The following ANAPC5 variants were observed in gnomAD, a reference collection of about 807,000 sequenced individuals.
The protein encoded by ANAPC5 is anaphase promoting complex subunit 5.
Under a neutral mutation model 91.3 loss-of-function variants are expected in ANAPC5, and 60 were observed. That is an observed-to-expected ratio of 0.66 (90% CI 0.53 to 0.81). The LOEUF is 0.81. Among genes scored for constraint, ANAPC5 ranks in the 40% least tolerant of loss-of-function variants. The pLI is 0.00. For missense variants in ANAPC5, 690 were observed against 931.5 expected (o/e 0.74, Z 3.37); for synonymous variants, 340 against 364.1 (o/e 0.93, Z 0.75).
chr12:121,332,293 T>C (rs1311068048), intron 7 of ANAPC5: 1 of 152,192 alleles, frequency 6.6e-6, no homozygotes, highest in African/African-American at 2.4e-5. Flanking sequence ...ATTTTGAGGA[T>C]TCCCACTTCT....
upstream of ANAPC5, among the ~76,000 whole-genome samples, chr12:121,353,960 A>T (rs1555275780): frequency 6.7e-6 from 1 of 150,106 alleles, no homozygotes; most frequent in African/African-American, 2.4e-5. Context: ...TTGAGACTAC[A>T]GGCTTGTGCC....
chr12:121,329,136 G>A (rs535083141), intron 9 of ANAPC5: 2 of 152,318 alleles, frequency 1.3e-5, no homozygotes, highest in East Asian at 3.9e-4. Context: ...CAATGGACAA[G>A]CTACAGATTT....
chr12:121,328,062 C>T (rs1902890838), intron 10 of ANAPC5: 2 of 393,962 alleles, frequency 5.1e-6, no homozygotes, highest in African/African-American at 2.0e-5. Context: ...CCCTGGTTTA[C>T]TCTCCCAGCA....
At chr12:121,340,279 G>A (rs762208161) in intron 5 of ANAPC5, among the ~76,000 whole-genome samples, 18 of 142,980 alleles carry the variant, frequency 1.3e-4, no homozygotes, top group Admixed American at 5.1e-4. Context: ...GATCACCACC[G>A]CACTCCAGCC....
chr12:121,332,165 GT>G (rs1903067505), intron 7 of ANAPC5: 1 of 152,168 alleles, frequency 6.6e-6, no homozygotes, highest in South Asian at 2.1e-4. Context: ...GTCTCACTGT[GT>G]TCCCCAGGCT....
intron 1 of ANAPC5, chr12:121,350,991 T>C (rs1419365709): frequency 5.0e-6 from 2 of 397,564 alleles, no homozygotes; most frequent in Non-Finnish European, 9.9e-6. Context: ...GTTTCTACTA[T>C]TGTTCCCATT....
intron 3 of ANAPC5, chr12:121,346,652 G>T (rs887402419): frequency 2.9e-6 from 1 of 339,006 alleles, no homozygotes; most frequent in Admixed American, 4.7e-5. Context: ...AAAGAGCTGG[G>T]AACCCCTAAA....
At chr12:121,352,103 G>T in intron 1 of ANAPC5, 31 bp downstream of exon 1, 1 of 1,574,328 alleles carries the variant, frequency 6.4e-7, no homozygotes, top group East Asian at 2.3e-5. Flanking sequence ...AAAGTTTGCT[G>T]CACGAGCAGG....
intron 15 of ANAPC5, chr12:121,317,912 T>C (rs1025842045): frequency 1.8e-5 from 3 of 166,246 alleles, no homozygotes; most frequent in African/African-American, 7.1e-5. Context: ...TACAATTTGA[T>C]TTCCAAAAGC....
chr12:121,312,237 G>A (rs1902189938), intron 15 of ANAPC5, among the ~76,000 whole-genome samples: 1 of 152,092 alleles, frequency 6.6e-6, no homozygotes, highest in South Asian at 2.1e-4. Flanking sequence ...AATCACAAGG[G>A]AAATTAGAAA....
At position 121,330,612 on chromosome 12, in the gene ANAPC5, C is replaced by T. The variant is rs782502655; in HGVS notation, c.1093G>A (p.Val365Met). The T allele has an allele frequency of 6.2e-7, 1 of 1,614,058 alleles. No homozygotes were observed. ...AACCCAAAATGTACTGCCTTCTTCA[C>T]AGAATGCTCCAGCAGAACATAGCTA... The part of the protein sequence containing the change: ...SDSYVLLEHS[V>M]KKAVHFGLPY... Residue 365 changes from valine to methionine, a missense_variant, in exon 9 of 17, where the codon GTG becomes ATG. Physicochemically the swap from Val to Met is conservative, Grantham distance 21 (BLOSUM62 1). Around this residue, in one of 5 missense-constraint regions of ANAPC5, gnomAD observed 36 missense variants for 27.6 expected, o/e 1.30. Transcript: ENST00000261819.
chr12:121,320,056 G>T (rs964696955), intron 12 of ANAPC5, among the ~76,000 whole-genome samples: 14 of 152,112 alleles, frequency 9.2e-5, no homozygotes, highest in South Asian at 2.1e-4. Context: ...TGCTTTATCT[G>T]CTTCATATAC....
rs782508714 is a variant in ANAPC5 at position 121,352,350 on chromosome 12, AGACTAAGTCTCGG to A, written c.-23_-11del. The A allele has an allele frequency of 2.1e-5, 34 of 1,587,074 alleles. No homozygotes were observed. Among genetic ancestry groups the A allele is most frequent in the Non-Finnish European group, 2.5e-5 (29 of 1,163,662 alleles). On this transcript the variant is annotated 5_prime_UTR_variant, in exon 1 of 17. Coordinates refer to ENST00000261819, the MANE Select transcript of ANAPC5 (RefSeq NM_016237.5). ...CGTGGACGCTGGCCATGGCGGCCCG[AGACTAAGTCTCGG>A]GCCCGCGGCGCGCTGCCGCCAGTTG...
intron 8 of ANAPC5, chr12:121,330,993 T>C: frequency 2.5e-6 from 1 of 402,364 alleles, no homozygotes; most frequent in African/African-American, 2.0e-5. Context: ...AGCTTCTGTG[T>C]TCCACTGCCC....
At chr12:121,327,578 T>C (rs1192911207) in intron 10 of ANAPC5, 3 of 256,446 alleles carry the variant, frequency 1.2e-5, no homozygotes, top group African/African-American at 7.0e-5. Context: ...CAGACTGCTC[T>C]GGCAATGTAA....
chr12:121,333,739 T>C (rs1196625135), intron 7 of ANAPC5: 5 of 152,226 alleles, frequency 3.3e-5, no homozygotes, highest in African/African-American at 1.2e-4. Context: ...TCCTTTAACC[T>C]ACACTTACTT....
At chr12:121,322,840 T>C (rs1213592091) in intron 11 of ANAPC5, among the ~76,000 whole-genome samples, 1 of 152,028 alleles carries the variant, frequency 6.6e-6, no homozygotes, top group Non-Finnish European at 1.5e-5. Flanking sequence ...CTGGCCAACA[T>C]GGTGAAACCC....
chr12:121,321,523 T>C (rs1170330343), intron 11 of ANAPC5, among the ~76,000 whole-genome samples: 2 of 142,920 alleles, frequency 1.4e-5, no homozygotes, highest in East Asian at 4.1e-4. Flanking sequence ...CACCTGGCTA[T>C]ACAAAATCCT....
chr12:121,332,682 T>C (rs937101648), intron 7 of ANAPC5: 3 of 152,208 alleles, frequency 2.0e-5, no homozygotes, highest in African/African-American at 7.2e-5. Context: ...GAAATCCTTT[T>C]AGCTAAGTGA....
Sources: gnomAD v4.1 joint callset for allele counts (sites outside exome capture counted in the v4.1 genomes callset) on GRCh38, gnomAD v4.1.1 for gene constraint, gnomAD v4.1.1 regional missense constraint, MANE v1.5 for transcripts, NCBI Gene and HGNC (gene_info 2026-07-23, HGNC 2026-07-21) for gene names.